The following LIG3 variants were observed in gnomAD, a reference collection of about 807,000 sequenced individuals.
The protein encoded by LIG3 is DNA ligase 3, also known as ligase II, DNA, ATP-dependent.
A neutral mutation model predicts 110.9 loss-of-function variants in LIG3; 58 were observed. The observed-to-expected ratio is 0.52, with a 90% CI of 0.42 to 0.65. The LOEUF is 0.65. Among genes scored for constraint, LIG3 ranks in the 30% least tolerant of loss-of-function variants. The pLI is 0.00. For missense variants in LIG3, 1,094 were observed against 1,273.8 expected, an observed-to-expected ratio of 0.86 and a Z score of 2.15; for synonymous variants, 422 against 472.8, an observed-to-expected ratio of 0.89 and a Z score of 1.39.
chr17:35,001,186 T>C, intron 16 of LIG3, 71 bp from the exon 17 acceptor site: 1 of 1,534,848 alleles, frequency 6.5e-7, no homozygotes, highest in Non-Finnish European at 9.0e-7. Flanking sequence ...GATTACAGGC[T>C]TGAGCCACCA....
chr17:35,002,859 A>T, intron 19 of LIG3, 70 bp downstream of exon 19: 1 of 1,574,132 alleles, frequency 6.4e-7, no homozygotes, highest in Non-Finnish European at 8.6e-7. Flanking sequence ...CCTTCTGTAC[A>T]AGAAGTTTGA....
chr17:35,005,977 C>G lies in LIG3; in HGVS notation c.*1471C>G, dbSNP rs553548160. On this transcript the variant is annotated 3_prime_UTR_variant, in exon 20 of 20. Transcript: ENST00000378526. ...TTTCCTGCTGACCTATTGATAATAC[C>G]AACAATGTTGAGTGGCATTTTCTTC... The G allele has an allele frequency of 4.5e-5, 12 of 268,172 alleles. No individual in the cohort carries two copies. Among genetic ancestry groups the G allele is most frequent in the Non-Finnish European group, 8.7e-5 (12 of 137,352 alleles). The allele number at this position is 268,172 out of a possible 1,614,324, so 16.6% of individuals were successfully genotyped here.
intron 8 of LIG3, among the ~76,000 whole-genome samples, chr17:34,993,387 A>G (rs998939450): frequency 2.6e-5 from 4 of 152,220 alleles, no homozygotes; most frequent in African/African-American, 7.2e-5. Context: ...TGAGATAGGC[A>G]AGTGTTCTCT....
chr17:34,991,377 C>T (rs766191660), intron 5 of LIG3: 3 of 566,266 alleles, frequency 5.3e-6, no homozygotes, highest in Non-Finnish European at 9.3e-6. Flanking sequence ...CTTGCCCCCT[C>T]TGTCTCTCCT....
At chr17:34,999,638 G>A (rs1483094735) in intron 15 of LIG3, 144 bp from the exon 16 acceptor site, 6 of 1,055,216 alleles carry the variant, frequency 5.7e-6, no homozygotes, top group Non-Finnish European at 7.0e-6. Context: ...ATGCCTCTAG[G>A]TCATACCCAC....
chr17:34,988,827 C>T (rs1438422064), intron 3 of LIG3, among the ~76,000 whole-genome samples: 1 of 152,184 alleles, frequency 6.6e-6, no homozygotes, highest in East Asian at 1.9e-4. Context: ...ATTTGCTCTT[C>T]TCAGACCTCA....
intron 11 of LIG3, chr17:34,996,885 C>T: frequency 2.0e-6 from 1 of 491,696 alleles, no homozygotes; most frequent in East Asian, 3.2e-5. Flanking sequence ...GTGTTGACTC[C>T]ATCTCTTCTC....
rs566710927 is a variant in LIG3 at position 34,993,815 on chromosome 17, A to G, written c.1456-461A>G. ...GGTAGGCATGTAAGTAGGTGCTCCA[A>G]TATCTGGAAACCCTGTTTGTTGTAG... On this transcript the variant is annotated intron_variant, in intron 8 of 19. Coordinates refer to ENST00000378526, the MANE Select transcript of LIG3 (RefSeq NM_013975.4). Among the ~76,000 whole-genome samples the G allele has an allele frequency of 4.6e-5, 7 of 152,096 alleles. No individual in the cohort carries two copies. In the South Asian group the frequency reaches 1.2e-3, roughly 27 times the overall value.
intron 4 of LIG3, 134 bp downstream of exon 4, chr17:34,989,797 A>C: frequency 1.3e-6 from 1 of 785,484 alleles, no homozygotes; most frequent in Non-Finnish European, 2.1e-6. Flanking sequence ...TGCTATCTGG[A>C]AATTCTTAAT....
At position 35,004,765 on chromosome 17, in the gene LIG3, A is replaced by G. The variant is rs1361115914; in HGVS notation, c.*259A>G. On this transcript the variant is annotated 3_prime_UTR_variant, in exon 20 of 20. Transcript: ENST00000378526. ...CATCTTTTTGTTTTCTTTGAAAAGC[A>G]GCTTAGTTACCCTTTTTATAAATAA... 4.2e-6 allele frequency: 2 copies of G among 475,326 alleles called. No individual in the cohort carries two copies. The highest frequency in any genetic ancestry group is 3.7e-6 in the Non-Finnish European group (1 of 267,022). The allele number at this position is 475,326 out of a possible 1,614,324, so 29.4% of individuals were successfully genotyped here.
Position 34,983,286 on chromosome 17 carries a change from G to A in LIG3, c.281G>A (p.Cys94Tyr), listed in dbSNP as rs1289455284. The A allele has an allele frequency of 1.9e-6, 3 of 1,614,272 alleles. No individual in the cohort carries two copies. In the East Asian group the frequency reaches 6.7e-5, roughly 36 times the overall value. Residue 94 changes from cysteine (C) to tyrosine (Y), a missense_variant, in exon 2 of 20, where the codon TGT (cysteine) becomes TAT (tyrosine). Coordinates refer to ENST00000378526, the MANE Select transcript of LIG3 (RefSeq NM_013975.4). ...TGTGAGATGGCTGAGCAACGGTTCT[G>A]TGTGGACTATGCCAAGCGTGGCACA... ...GPCEMAEQRFCVDYAKRGTAG... is the reference protein window; with the variant it reads ...GPCEMAEQRFYVDYAKRGTAG...
At chr17:34,984,007 C>G (rs1049870427) in intron 2 of LIG3, among the ~76,000 whole-genome samples, 1 of 152,254 alleles carries the variant, frequency 6.6e-6, no homozygotes, top group Non-Finnish European at 1.5e-5. Flanking sequence ...GAATAAGTTG[C>G]ATACATCATG....
At chr17:34,987,922 C>T (rs867723927) in intron 3 of LIG3, among the ~76,000 whole-genome samples, 3 of 151,820 alleles carry the variant, frequency 2.0e-5, no homozygotes, top group Non-Finnish European at 4.4e-5. Flanking sequence ...GGGCCGGGCG[C>T]GGTGGCTCAC....
intron 1 of LIG3, among the ~76,000 whole-genome samples, chr17:34,982,647 CAAAA>C (rs201908775): frequency 3.8e-5 from 3 of 79,630 alleles, no homozygotes; most frequent in Non-Finnish European, 5.4e-5. Flanking sequence ...AACTCCGCCT[CAAAA>C]AAAAAAAAAA....
intron 18 of LIG3, 22 bp downstream of exon 18, chr17:35,002,126 G>A (rs1286033500): frequency 6.5e-7 from 1 of 1,537,190 alleles, no homozygotes; most frequent in South Asian, 1.3e-5. Context: ...GAGGGGGCTG[G>A]TATGGTGAAG....
intron 3 of LIG3, among the ~76,000 whole-genome samples, chr17:34,986,778 G>T (rs552679113): frequency 6.6e-6 from 1 of 152,308 alleles, no homozygotes; most frequent in East Asian, 1.9e-4. Context: ...GATAATGAAA[G>T]AATTTTGAGA....
Position 34,996,690 on chromosome 17 carries a change from A to G in LIG3, c.1823+37A>G. 3 of 1,547,128 alleles carry G rather than the reference A, an allele frequency of 1.9e-6. No homozygotes were observed. In the East Asian group the frequency reaches 6.7e-5, roughly 35 times the overall value. On this transcript the variant is annotated intron_variant, in intron 11 of 19. Coordinates refer to ENST00000378526, the MANE Select transcript of LIG3 (RefSeq NM_013975.4). ...AGCATCTTTAAACCCAGAAACTGCC[A>G]GGAATCTGTTTTCATTTCCTGGGTG...
At position 34,989,565 on chromosome 17, in the gene LIG3, G is replaced by A. The variant is rs149175581; in HGVS notation, c.791G>A (p.Arg264Gln). 2.2e-5 allele frequency: 36 copies of A among 1,613,928 alleles called. No individual in the cohort carries two copies. The highest frequency in any genetic ancestry group is 6.6e-5 in the South Asian group (6 of 91,084). The change falls in exon 4 of 20, where the codon CGG (arginine) becomes CAG (glutamine). Residue 264 changes from arginine (R) to glutamine (Q), a missense_variant. Transcript: ENST00000378526. ...CDPRHKDCLL[R>Q]EFRKLCAMVA... ...CCCAGGCATAAGGACTGTCTGCTAC[G>A]GGAGTTTCGAAAGTTATGCGCCATG...
intron 7 of LIG3, among the ~76,000 whole-genome samples, 187 bp from the exon 8 acceptor site, chr17:34,992,337 G>T (rs575295440): frequency 6.6e-6 from 1 of 152,338 alleles, no homozygotes; most frequent in South Asian, 2.1e-4. Flanking sequence ...ATCCACATAG[G>T]CACAGTATCT....
Sources: allele counts gnomAD v4.1 joint callset (sites outside exome capture counted in the v4.1 genomes callset), GRCh38; gene constraint gnomAD v4.1.1; transcripts MANE v1.5; gene names NCBI Gene and HGNC (gene_info 2026-07-23, HGNC 2026-07-21).